The following EXOC4 variants were observed in gnomAD, a reference collection of about 807,000 sequenced individuals.
EXOC4 encodes the protein exocyst complex component 4.
A neutral mutation model predicts 107.2 loss-of-function variants in EXOC4; 71 were observed. That is an observed-to-expected ratio of 0.66 (90% CI 0.55 to 0.81). The LOEUF (loss-of-function observed/expected upper bound fraction) is 0.81. EXOC4 is among the 30% of genes least tolerant of loss of function. The pLI, the probability that EXOC4 is intolerant of heterozygous loss-of-function variation, is 0.00. For missense variants in EXOC4, 1,108 were observed against 1,189.6 expected (o/e 0.93, Z 1.01); for synonymous variants, 456 against 441.2 (o/e 1.03, Z -0.42).
At chr7:134,071,408 C>T (rs1367212490), downstream of EXOC4, among the ~76,000 whole-genome samples, 2 of 152,232 alleles carry the variant, frequency 1.3e-5, no homozygotes, top group Non-Finnish European at 2.9e-5. Flanking sequence ...GAGAAGATGG[C>T]AGACTGGTGT....
chr7:133,429,055 C>T (rs892432817), intron 7 of EXOC4, among the ~76,000 whole-genome samples: 6 of 151,870 alleles, frequency 4.0e-5, no homozygotes, highest in African/African-American at 1.5e-4. Context: ...GCAAGAGAGG[C>T]GTGGTTTGAG....
At chr7:133,465,939 C>T (rs1452497225) in intron 7 of EXOC4, among the ~76,000 whole-genome samples, 1 of 151,954 alleles carries the variant, frequency 6.6e-6, no homozygotes, top group Non-Finnish European at 1.5e-5. Context: ...AGTTGAAGAT[C>T]AGCCTGGCCA....
At chr7:133,312,273 AAG>A (rs1452520108) in intron 4 of EXOC4, among the ~76,000 whole-genome samples, 6 of 152,184 alleles carry the variant, frequency 3.9e-5, no homozygotes, top group Non-Finnish European at 8.8e-5. Flanking sequence ...TCCCAAAAGC[AAG>A]TTGAAAAATA....
chr7:133,965,622 A>G (rs2116853572), intron 14 of EXOC4, among the ~76,000 whole-genome samples: 1 of 152,278 alleles, frequency 6.6e-6, no homozygotes, highest in East Asian at 1.9e-4. Flanking sequence ...TTGGTCAAAG[A>G]TCAGATGGTT....
At chr7:134,003,924 G>A (rs941895948) in intron 15 of EXOC4, among the ~76,000 whole-genome samples, 1 of 152,098 alleles carries the variant, frequency 6.6e-6, no homozygotes, top group African/African-American at 2.4e-5. Flanking sequence ...AGAATTGTGT[G>A]TGACCAGACT....
intron 10 of EXOC4, among the ~76,000 whole-genome samples, chr7:133,682,713 A>T (rs1794213478): frequency 6.6e-6 from 1 of 152,172 alleles, no homozygotes; most frequent in African/African-American, 2.4e-5. Context: ...TCATGCACAC[A>T]TTATTATTCC....
At chr7:133,287,490 T>C (rs1296860381) in intron 2 of EXOC4, among the ~76,000 whole-genome samples, 4 of 152,060 alleles carry the variant, frequency 2.6e-5, no homozygotes, top group African/African-American at 9.7e-5. Flanking sequence ...TTCTGTGTTT[T>C]GTTTAGTAGA....
intron 17 of EXOC4, among the ~76,000 whole-genome samples, chr7:134,054,949 C>T (rs1293623146): frequency 6.6e-6 from 1 of 152,208 alleles, no homozygotes; most frequent in Non-Finnish European, 1.5e-5. Context: ...TTCTGAGTCA[C>T]ATGTCCTTGA....
At chr7:133,983,514 T>C (rs1794043318) in intron 14 of EXOC4, among the ~76,000 whole-genome samples, 1 of 152,160 alleles carries the variant, frequency 6.6e-6, no homozygotes, top group African/African-American at 2.4e-5. Context: ...GCTTTATTTC[T>C]GTTTGGTTCA....
At chr7:133,945,098 C>T (rs1178947772) in intron 14 of EXOC4, among the ~76,000 whole-genome samples, 2 of 152,138 alleles carry the variant, frequency 1.3e-5, no homozygotes, top group Admixed American at 6.6e-5. Flanking sequence ...AGTTAGAGAG[C>T]TGTAAAAATA....
At chr7:133,768,130 G>A (rs1329086032) in intron 10 of EXOC4, 3 of 151,926 alleles carry the variant, frequency 2.0e-5, no homozygotes, top group African/African-American at 7.2e-5. Flanking sequence ...CAAGGACTAA[G>A]ACAGAAGACT....
chr7:133,832,649 A>G (rs573950304), intron 11 of EXOC4, among the ~76,000 whole-genome samples: 89 of 152,338 alleles, frequency 5.8e-4, no homozygotes, highest in African/African-American at 2.1e-3. Context: ...TCTTCTTATC[A>G]TTGAATAATA....
intron 7 of EXOC4, among the ~76,000 whole-genome samples, chr7:133,409,498 T>C (rs1414774076): frequency 2.0e-5 from 3 of 152,270 alleles, no homozygotes; most frequent in East Asian, 3.9e-4. Flanking sequence ...TTTCCAAAAA[T>C]GGCCAGAGGA....
Position 133,999,569 on chromosome 7 carries a change from C to T in EXOC4, c.2348+1936C>T, listed in dbSNP as rs543866259. On this transcript the variant is annotated intron_variant, in intron 15 of 17. Coordinates refer to ENST00000253861, the MANE Select transcript of EXOC4 (RefSeq NM_021807.4). ...TATTTGGTATCTCTTTATTTACAAG[C>T]GGACAGAGAAATCAGGTGTTTTCTA... is the stretch of plus-strand genomic sequence containing the variant. Among the ~76,000 whole-genome samples, 15 of 152,110 alleles carry T rather than the reference C, an allele frequency of 9.9e-5. 1 individual carries two copies. Among genetic ancestry groups the T allele is most frequent in the Admixed American group, 8.5e-4 (13 of 15,282 alleles).
At chr7:133,289,230 T>C (rs553155101) in intron 3 of EXOC4, 114 bp downstream of exon 3, 1 of 836,342 alleles carries the variant, frequency 1.2e-6, no homozygotes, top group South Asian at 2.1e-5. Flanking sequence ...CCTCTTGGGA[T>C]TCATGAGCCC....
intron 17 of EXOC4, among the ~76,000 whole-genome samples, chr7:134,047,781 A>T (rs1268693568): frequency 2.6e-5 from 4 of 152,154 alleles, no homozygotes; most frequent in Non-Finnish European, 5.9e-5. Context: ...TTTAAATGAG[A>T]TCATATTTGT....
chr7:133,357,869 C>G (rs1796056314), intron 6 of EXOC4, among the ~76,000 whole-genome samples: 2 of 152,162 alleles, frequency 1.3e-5, no homozygotes, highest in Non-Finnish European at 2.9e-5. Flanking sequence ...TACCCTTTAT[C>G]CTTCTCCTGC....
intron 6 of EXOC4, among the ~76,000 whole-genome samples, chr7:133,362,151 A>T (rs1584852589): frequency 6.6e-6 from 1 of 152,212 alleles, no homozygotes; most frequent in African/African-American, 2.4e-5. Flanking sequence ...ATCAGGTTTT[A>T]TAGCTTCTGG....
Position 133,637,185 on chromosome 7 carries a change from G to A in EXOC4, c.1514+7044G>A, listed in dbSNP as rs374284277. On this transcript the variant is annotated intron_variant, in intron 10 of 17. Coordinates refer to ENST00000253861, the MANE Select transcript of EXOC4 (RefSeq NM_021807.4). ...ACTAGTAATTTCTGTTTCCAAAAGTGACATTTCAAAGTAAAAGACAATTGT... is the reference window on the plus strand; with the variant it reads ...ACTAGTAATTTCTGTTTCCAAAAGTAACATTTCAAAGTAAAAGACAATTGT... Among the ~76,000 whole-genome samples the A allele has an allele frequency of 1.2e-4, 19 of 152,252 alleles. No individual in the cohort carries two copies. The East Asian group carries it at 3.5e-3, about 28-fold the overall frequency.
Sources: gnomAD v4.1 joint callset for allele counts (sites outside exome capture counted in the v4.1 genomes callset) on GRCh38, gnomAD v4.1.1 for gene constraint, MANE v1.5 for transcripts, NCBI Gene and HGNC (gene_info 2026-07-23, HGNC 2026-07-21) for gene names.